The following GTF2I variants were observed in gnomAD, a reference collection of about 807,000 sequenced individuals.
The protein encoded by GTF2I is general transcription factor IIi.
Under a neutral mutation model 67.6 loss-of-function variants are expected in GTF2I, and 12 were observed. The ratio of observed to expected loss-of-function variants is 0.18; its 90% CI spans 0.11 to 0.29. The LOEUF (loss-of-function observed/expected upper bound fraction) is 0.29. Among genes scored for constraint, GTF2I ranks in the 10% least tolerant of loss-of-function variants. The pLI, the probability that GTF2I is intolerant of heterozygous loss-of-function variation, is 1.00. For missense variants in GTF2I, 271 were observed against 580.1 expected (o/e 0.47, Z 5.47); for synonymous variants, 149 against 197.0 (o/e 0.76, Z 2.04).
intron 1 of GTF2I, among the ~76,000 whole-genome samples, chr7:74,659,089 T>TA (rs1379973727): frequency 1.3e-5 from 2 of 152,034 alleles, no homozygotes; most frequent in Admixed American, 1.3e-4. Flanking sequence ...CTCCTTTTTT[T>TA]AAAAAAAATT....
chr7:74,733,848 TTAAA>T, intron 15 of GTF2I, 71 bp from the exon 16 acceptor site: 1 of 909,056 alleles, frequency 1.1e-6, no homozygotes, highest in Non-Finnish European at 1.7e-6. Context: ...TGACTAAATG[TTAAA>T]TATGTACTAG....
Position 74,714,917 on chromosome 7 carries a change from G to A in GTF2I, c.823+1G>A. 1 of 1,586,818 alleles carries A rather than the reference G, an allele frequency of 6.3e-7. No individual in the cohort carries two copies. The highest frequency in any genetic ancestry group is 8.6e-7 in the Non-Finnish European group (1 of 1,161,156). On this transcript the variant is annotated splice_donor_variant, in intron 10 of 34. Coordinates refer to ENST00000573035, the MANE Select transcript of GTF2I (RefSeq NM_032999.4). LOFTEE classifies it high-confidence loss of function. ...CAGCCCCTATCGAAGCCTTTGCAAG[G>A]TATAATCTTTTCACTTCCATTCTCC...
intron 1 of GTF2I, among the ~76,000 whole-genome samples, chr7:74,676,299 T>G (rs1475985122): frequency 6.6e-6 from 1 of 152,100 alleles, no homozygotes; most frequent in Non-Finnish European, 1.5e-5. Flanking sequence ...CTTAAACATG[T>G]TCTCATTAAA....
chr7:74,715,557 G>A (rs1554403452), intron 10 of GTF2I, among the ~76,000 whole-genome samples: 2 of 151,848 alleles, frequency 1.3e-5, no homozygotes, highest in East Asian at 3.8e-4. Flanking sequence ...TTTACCTACT[G>A]GCCTCATCAT....
At chr7:74,683,285 G>C (rs1374863972) in intron 1 of GTF2I, among the ~76,000 whole-genome samples, 1 of 152,154 alleles carries the variant, frequency 6.6e-6, no homozygotes, top group East Asian at 1.9e-4. Context: ...CACCTAAAAA[G>C]AGACCGTAGA....
chr7:74,716,718 C>T (rs1402285221), intron 10 of GTF2I, 176 bp from the exon 11 acceptor site: 13 of 501,474 alleles, frequency 2.6e-5, no homozygotes, highest in Middle Eastern at 5.3e-4. Context: ...CAAATAGAAG[C>T]GTTGTATTCT....
intron 8 of GTF2I, among the ~76,000 whole-genome samples, chr7:74,710,590 A>C (rs782303951): frequency 5.3e-5 from 8 of 152,188 alleles, no homozygotes; most frequent in Non-Finnish European, 1.2e-4. Context: ...CCTGTAATAA[A>C]AGGGATGTAT....
intron 1 of GTF2I, 116 bp from the exon 2 acceptor site, chr7:74,689,008 C>T (rs587641821): frequency 1.3e-4 from 88 of 678,364 alleles, no homozygotes; most frequent in Non-Finnish European, 1.9e-4. Context: ...CTTATTTTGT[C>T]TCTAGAGCAA....
At chr7:74,707,724 A>G (rs1554401798) in intron 8 of GTF2I, among the ~76,000 whole-genome samples, 1 of 152,188 alleles carries the variant, frequency 6.6e-6, no homozygotes, top group Non-Finnish European at 1.5e-5. Flanking sequence ...AAAAAAAATC[A>G]TCATTTTGCA....
chr7:74,737,306 G>A (rs1458427968), intron 18 of GTF2I, among the ~76,000 whole-genome samples: 6 of 149,254 alleles, frequency 4.0e-5, no homozygotes, highest in African/African-American at 1.5e-4. Context: ...CAGAAGAGAT[G>A]GAAGGTGTTT....
At chr7:74,680,422 C>T (rs587748388) in intron 1 of GTF2I, among the ~76,000 whole-genome samples, 17 of 151,914 alleles carry the variant, frequency 1.1e-4, no homozygotes, top group Non-Finnish European at 1.9e-4. Flanking sequence ...TCTTCAAGCG[C>T]GTTCTTCCTT....
At chr7:74,711,923 G>A (rs1188702338) in intron 9 of GTF2I, among the ~76,000 whole-genome samples, 1 of 149,886 alleles carries the variant, frequency 6.7e-6, no homozygotes, top group Middle Eastern at 3.5e-3. Flanking sequence ...AGAGGCTTTT[G>A]TGTGGACATA....
rs34714148 is a variant in GTF2I at position 74,669,224 on chromosome 7, G to GTT, written c.-6+11179_-6+11180dup. Among the ~76,000 whole-genome samples the GTT allele has an allele frequency of 5.3e-3, 401 of 75,436 alleles. 4 individuals carry two copies. Among genetic ancestry groups the GTT allele is most frequent in the Non-Finnish European group, 7.0e-3 (300 of 42,776 alleles). The allele number at this position is 75,436 out of a possible 152,430, so 49.5% of individuals were successfully genotyped here. On this transcript the variant is annotated intron_variant, in intron 1 of 34. Coordinates refer to ENST00000573035, the MANE Select transcript of GTF2I (RefSeq NM_032999.4). ...TAGTTTGTATATCCAGACTAGTTTA[G>GTT]TTTTTTTTTTTTTTTTTTTTTTTTG...
chr7:74,725,401 A>C (rs1453574909), intron 12 of GTF2I, among the ~76,000 whole-genome samples: 1 of 152,042 alleles, frequency 6.6e-6, no homozygotes, highest in Non-Finnish European at 1.5e-5. Flanking sequence ...CAATAACTAC[A>C]TCCAGCTGGG....
chr7:74,681,930 TGGG>T (rs2131260927), intron 1 of GTF2I, among the ~76,000 whole-genome samples: 1 of 148,224 alleles, frequency 6.7e-6, no homozygotes, highest in South Asian at 2.1e-4. Context: ...AAAAAAGTAA[TGGG>T]AGGATGTGAT....
In GTF2I at chr7:74,691,044, C is replaced by T. The variant is rs369679525; in HGVS notation, c.171C>T (p.Val57=). 29 of 1,612,728 alleles carry T rather than the reference C, an allele frequency of 1.8e-5. No individual in the cohort carries two copies. The South Asian group carries it at 2.0e-4, about 11-fold the overall frequency. The change falls in exon 3 of 35, where the codon GTC becomes GTT. Residue 57 remains valine (V), a synonymous_variant. Coordinates refer to ENST00000573035, the MANE Select transcript of GTF2I (RefSeq NM_032999.4). The part of the protein sequence containing the change: ...IAVYETDVFV[V]GTERGRAFVN... ...TGTATGAAACAGACGTGTTTGTCGT[C>T]GGAACTGAAAGAGGACGTGCTTTTG...
intron 3 of GTF2I, among the ~76,000 whole-genome samples, chr7:74,698,050 G>A (rs782792219): frequency 1.1e-4 from 16 of 152,264 alleles, no homozygotes; most frequent in African/African-American, 3.9e-4. Flanking sequence ...CCACCTCCCG[G>A]GCTCACGCCA....
intron 1 of GTF2I, among the ~76,000 whole-genome samples, chr7:74,662,860 G>A (rs1470335420): frequency 2.0e-5 from 3 of 151,972 alleles, no homozygotes; most frequent in African/African-American, 7.2e-5. Flanking sequence ...GAAAATAACC[G>A]CAGATAGGTG....
chr7:74,705,320 A>G (rs782367447), intron 7 of GTF2I, 102 bp downstream of exon 7: 1 of 743,798 alleles, frequency 1.3e-6, no homozygotes, highest in Non-Finnish European at 2.4e-6. Flanking sequence ...CTCATGTCAC[A>G]CATCTTAAAG....
Sources: allele counts gnomAD v4.1 joint callset (sites outside exome capture counted in the v4.1 genomes callset), GRCh38; gene constraint gnomAD v4.1.1; transcripts MANE v1.5; gene names NCBI Gene and HGNC (gene_info 2026-07-23, HGNC 2026-07-21).